The following TACC2 variants were observed in gnomAD, a reference collection of about 807,000 sequenced individuals.
TACC2 encodes transforming acidic coiled-coil-containing protein 2.
TACC2 carries 137 observed loss-of-function variants against 227.3 expected under a neutral mutation model. The observed-to-expected ratio is 0.60, with a 90% CI of 0.52 to 0.69. The LOEUF (loss-of-function observed/expected upper bound fraction) is 0.69, where lower values mean the gene tolerates loss of function less well. Among genes scored for constraint, TACC2 ranks in the 30% least tolerant of loss-of-function variants. The probability of loss-of-function intolerance (pLI) is 0.00; values close to 1 mark genes in which losing one functional copy is unlikely to be tolerated. For missense variants in TACC2, 3,470 were observed against 3,694.4 expected, an observed-to-expected ratio of 0.94 and a Z score of 1.57; for synonymous variants, 1,523 against 1,487.5, an observed-to-expected ratio of 1.02 and a Z score of -0.55.
chr10:122,006,479 T>TAAATAAATAAATAAATAAAA (rs1375429983), intron 1 of TACC2, among the ~76,000 whole-genome samples: 12 of 146,042 alleles, frequency 8.2e-5, no homozygotes, highest in African/African-American at 3.0e-4. Flanking sequence ...AATAAATAAA[T>TAAATAAATAAATAAATAAAA]AAAAAATAGG....
chr10:122,107,326 C>T (rs1417667327), intron 5 of TACC2, among the ~76,000 whole-genome samples: 1 of 151,796 alleles, frequency 6.6e-6, no homozygotes, highest in Non-Finnish European at 1.5e-5. Context: ...CTTGAGGTCA[C>T]ACGTCTAATC....
intron 16 of TACC2, among the ~76,000 whole-genome samples, chr10:122,230,646 C>T (rs531437543): frequency 1.2e-3 from 183 of 152,276 alleles, no homozygotes; most frequent in African/African-American, 3.4e-3. Context: ...TGCTAAACCG[C>T]GGGATAGTAA....
intron 8 of TACC2, among the ~76,000 whole-genome samples, chr10:122,200,817 G>T (rs2094788221): frequency 6.8e-6 from 1 of 148,086 alleles, no homozygotes; most frequent in South Asian, 2.1e-4. Context: ...GACCTCACCT[G>T]CCCACAGTGG....
At chr10:122,027,068 G>A (rs12416317) in intron 2 of TACC2, among the ~76,000 whole-genome samples, 34,491 of 152,052 alleles carry the variant, frequency 0.23, 4,141 homozygotes, top group African/African-American at 0.31. Flanking sequence ...ACCATTTTGC[G>A]TCCCTACCAG....
At chr10:122,040,463 G>A (rs1211094215) in intron 2 of TACC2, among the ~76,000 whole-genome samples, 5 of 152,150 alleles carry the variant, frequency 3.3e-5, no homozygotes. Context: ...CTGAAGGTGG[G>A]CTTCACAGTT....
chr10:122,102,122 G>T (rs1024028357), intron 5 of TACC2, among the ~76,000 whole-genome samples: 9 of 152,048 alleles, frequency 5.9e-5, no homozygotes, highest in African/African-American at 2.2e-4. Flanking sequence ...CAGTTTATGG[G>T]CCACCCTTTA....
At chr10:122,003,659 T>C (rs949608018) in intron 1 of TACC2, among the ~76,000 whole-genome samples, 1 of 151,984 alleles carries the variant, frequency 6.6e-6, no homozygotes, top group East Asian at 1.9e-4. Context: ...ACCACCTTTT[T>C]TTTTTTTCTT....
chr10:122,015,996 C>G (rs1956561718), intron 1 of TACC2, among the ~76,000 whole-genome samples: 1 of 151,382 alleles, frequency 6.6e-6, no homozygotes, highest in African/African-American at 2.4e-5. Flanking sequence ...TATGGTGGCT[C>G]ACACATGTAA....
In TACC2 at chr10:122,045,086, C is replaced by T. The variant is rs184672982; in HGVS notation, c.34-5352C>T. Among the ~76,000 whole-genome samples the T allele has an allele frequency of 3.7e-4, 57 of 152,204 alleles. 1 individual carries two copies. The highest frequency in any genetic ancestry group is 1.4e-3 in the Admixed American group (22 of 15,276). On this transcript the variant is annotated intron_variant, in intron 2 of 22. Transcript: ENST00000369005. ...AAAGCACAGGGAAATGTGGCAAAAG[C>T]GAGAGTTCCCAGGGCTGAGGGTACG...
At chr10:122,147,856 C>T (rs1272202612) in intron 7 of TACC2, among the ~76,000 whole-genome samples, 2 of 152,082 alleles carry the variant, frequency 1.3e-5, no homozygotes, top group East Asian at 3.9e-4. Flanking sequence ...GGATTGAGGC[C>T]CCCATTTCCT....
chr10:122,143,749 C>T (rs1417528370), intron 7 of TACC2, 43 bp downstream of exon 7: 2 of 1,598,628 alleles, frequency 1.3e-6, no homozygotes, highest in African/African-American at 1.3e-5. Flanking sequence ...CCCCGGAGAG[C>T]AGGGGCCTGG....
Position 122,254,171 on chromosome 10 carries a change from T to C in TACC2, c.*115T>C. On this transcript the variant is annotated 3_prime_UTR_variant, in exon 23 of 23. Transcript: ENST00000369005. Reference sequence around the variant, plus strand: ...TTTCACTTTTTCGTATGCACTACTGTATTTCCTTTCTAAATAAAATTGATT... The same window carrying C: ...TTTCACTTTTTCGTATGCACTACTGCATTTCCTTTCTAAATAAAATTGATT... 1.2e-6 allele frequency: 1 copy of C among 832,760 alleles called. No homozygotes were observed. The highest frequency in any genetic ancestry group is 2.1e-6 in the Non-Finnish European group (1 of 473,706). The allele number at this position is 832,760 out of a possible 1,614,324, so 51.6% of individuals were successfully genotyped here.
chr10:122,052,343 G>C (rs2075787459), intron 3 of TACC2: 1 of 152,106 alleles, frequency 6.6e-6, no homozygotes, highest in Admixed American at 6.5e-5. Flanking sequence ...TTTGTTGCTT[G>C]TTCCCCAGCT....
chr10:122,217,820 C>T (rs181924176), intron 11 of TACC2, among the ~76,000 whole-genome samples: 28 of 152,278 alleles, frequency 1.8e-4, no homozygotes, highest in African/African-American at 6.0e-4. Flanking sequence ...CCTGTTGGTG[C>T]ACCACGTTCC....
At chr10:122,081,823 G>C (rs1273559802) in intron 3 of TACC2, among the ~76,000 whole-genome samples, 1 of 152,140 alleles carries the variant, frequency 6.6e-6, no homozygotes, top group Non-Finnish European at 1.5e-5. Flanking sequence ...TGATTTTGGG[G>C]TTATGCCTGT....
intron 6 of TACC2, among the ~76,000 whole-genome samples, chr10:122,138,489 G>A (rs762576974): frequency 7.9e-5 from 12 of 152,222 alleles, no homozygotes; most frequent in Non-Finnish European, 1.6e-4. Context: ...TAGCCTGGAC[G>A]ATAAGAGTGA....
chr10:122,230,508 G>A, intron 16 of TACC2, 68 bp downstream of exon 16: 5 of 1,463,668 alleles, frequency 3.4e-6, no homozygotes, highest in Non-Finnish European at 3.8e-6. Context: ...TCCAGAAGCT[G>A]CTTTGCTAAC....
intron 3 of TACC2, among the ~76,000 whole-genome samples, chr10:122,062,644 G>A (rs1016599829): frequency 2.6e-5 from 4 of 152,228 alleles, no homozygotes; most frequent in African/African-American, 9.6e-5. Context: ...GAGATAGGAG[G>A]TGTAGCATAA....
intron 11 of TACC2, among the ~76,000 whole-genome samples, chr10:122,222,319 G>C (rs767352984): frequency 1.1e-4 from 17 of 152,182 alleles, no homozygotes; most frequent in Non-Finnish European, 2.5e-4. Flanking sequence ...ACAGGAGGAA[G>C]TATTTATTTT....
Sources: allele counts gnomAD v4.1 joint callset (sites outside exome capture counted in the v4.1 genomes callset), GRCh38; gene constraint gnomAD v4.1.1; transcripts MANE v1.5; gene names NCBI Gene and HGNC (gene_info 2026-07-23, HGNC 2026-07-21).